The following SORCS1 variants were observed in gnomAD, a reference collection of about 807,000 sequenced individuals.
SORCS1 encodes the protein VPS10 domain-containing receptor SorCS1.
In SORCS1, 60 loss-of-function variants were observed where a neutral mutation model predicts 146.1. The observed-to-expected ratio is 0.41, with a 90% confidence interval of 0.33 to 0.51. SORCS1 has a LOEUF of 0.51. Ranked by LOEUF, SORCS1 falls within the 20% of genes least tolerant of loss-of-function variation. The pLI, the probability that SORCS1 is intolerant of heterozygous loss-of-function variation, is 0.21. For synonymous variants in SORCS1, 637 were observed against 584.0 expected (o/e 1.09, Z -1.31); for missense variants, 1,352 against 1,487.6 (o/e 0.91, Z 1.50).
At chr10:106,891,112 G>T (rs924734285) in intron 2 of SORCS1, among the ~76,000 whole-genome samples, 15 of 152,056 alleles carry the variant, frequency 9.9e-5, no homozygotes, top group Non-Finnish European at 1.9e-4. Context: ...AAGCAACATG[G>T]TTCCCGTATT....
At chr10:107,134,326 A>G (rs7092836) in intron 1 of SORCS1, among the ~76,000 whole-genome samples, 9,976 of 152,226 alleles carry the variant, frequency 0.066, 702 homozygotes, top group East Asian at 0.35. Flanking sequence ...ACCTCTAACT[A>G]AAGTGAATAA....
At chr10:106,694,443 C>T (rs970917178) in intron 9 of SORCS1, among the ~76,000 whole-genome samples, 1 of 152,056 alleles carries the variant, frequency 6.6e-6, no homozygotes, top group Non-Finnish European at 1.5e-5. Context: ...GAGATGGTTT[C>T]GCCATGTTGG....
At chr10:106,729,631 G>C (rs546326649) in intron 6 of SORCS1, among the ~76,000 whole-genome samples, 29 of 152,204 alleles carry the variant, frequency 1.9e-4, no homozygotes, top group African/African-American at 7.0e-4. Context: ...TACCTGGAAA[G>C]ACACTTTGAT....
chr10:106,754,181 A>G (rs951965183), intron 5 of SORCS1, among the ~76,000 whole-genome samples: 2 of 152,226 alleles, frequency 1.3e-5, no homozygotes, highest in African/African-American at 4.8e-5. Context: ...TTACCTAATC[A>G]GAGCCCATAA....
chr10:106,850,498 T>C (rs377361301), intron 2 of SORCS1, among the ~76,000 whole-genome samples: 5,747 of 152,068 alleles, frequency 0.038, 293 homozygotes, highest in East Asian at 0.24. Context: ...CACTCCCTAG[T>C]GAGATGAACC....
intron 6 of SORCS1, among the ~76,000 whole-genome samples, chr10:106,724,557 A>G (rs1856016225): frequency 6.6e-6 from 1 of 151,972 alleles, no homozygotes; most frequent in Non-Finnish European, 1.5e-5. Flanking sequence ...AAATAAAGAT[A>G]TAATTCTTTT....
At chr10:106,630,664 T>C (rs1280527861) in intron 18 of SORCS1, among the ~76,000 whole-genome samples, 1 of 152,210 alleles carries the variant, frequency 6.6e-6, no homozygotes, top group Non-Finnish European at 1.5e-5. Context: ...GTAAAAACTA[T>C]GCAGTAAATT....
chr10:106,995,238 T>C (rs1337984011), intron 1 of SORCS1, among the ~76,000 whole-genome samples: 2 of 148,500 alleles, frequency 1.3e-5, no homozygotes, highest in Non-Finnish European at 3.0e-5. Flanking sequence ...GGCGTGAACC[T>C]GGGAGGCAGA....
chr10:106,854,387 G>C (rs962981442), intron 2 of SORCS1, among the ~76,000 whole-genome samples: 2 of 151,864 alleles, frequency 1.3e-5, no homozygotes, highest in South Asian at 2.1e-4. Context: ...GTTAGGGCTT[G>C]TTTTTCTCAT....
chr10:107,129,296 T>C (rs1241227711), intron 1 of SORCS1, among the ~76,000 whole-genome samples: 3 of 152,204 alleles, frequency 2.0e-5, no homozygotes, highest in South Asian at 4.1e-4. Flanking sequence ...TGTTCAAAAA[T>C]AAATTTAACT....
At chr10:106,985,640 G>T (rs1030535551) in intron 1 of SORCS1, among the ~76,000 whole-genome samples, 1 of 151,100 alleles carries the variant, frequency 6.6e-6, no homozygotes, top group Non-Finnish European at 1.5e-5. Flanking sequence ...GGGTTCAAGC[G>T]ATTCTCCTGC....
At chr10:106,920,906 G>T (rs1952679314) in intron 2 of SORCS1, among the ~76,000 whole-genome samples, 2 of 152,180 alleles carry the variant, frequency 1.3e-5, no homozygotes, top group African/African-American at 4.8e-5. Flanking sequence ...TTCACCATGA[G>T]GCCTGCTTGT....
At chr10:107,045,784 T>C (rs977260692) in intron 1 of SORCS1, among the ~76,000 whole-genome samples, 20 of 147,350 alleles carry the variant, frequency 1.4e-4, no homozygotes, top group Admixed American at 7.4e-4. Context: ...ATATCTTCTT[T>C]TTTTTTTTTT....
intron 10 of SORCS1, among the ~76,000 whole-genome samples, chr10:106,684,001 C>G (rs1194658910): frequency 1.3e-5 from 2 of 152,124 alleles, no homozygotes; most frequent in African/African-American, 4.8e-5. Flanking sequence ...AGGTGAAAAA[C>G]AGATTCTCCT....
intron 3 of SORCS1, among the ~76,000 whole-genome samples, chr10:106,782,004 T>A (rs1461139272): frequency 6.6e-6 from 1 of 152,204 alleles, no homozygotes; most frequent in Non-Finnish European, 1.5e-5. Context: ...ACAACCAATT[T>A]TCCTAAATCC....
At chr10:107,120,767 A>G (rs908368283) in intron 1 of SORCS1, among the ~76,000 whole-genome samples, 24 of 152,200 alleles carry the variant, frequency 1.6e-4, no homozygotes, top group African/African-American at 5.1e-4. Context: ...AAAATGCGGA[A>G]AGCAGGCTAT....
At chr10:106,914,064 A>G (rs1952294729) in intron 2 of SORCS1, among the ~76,000 whole-genome samples, 1 of 152,196 alleles carries the variant, frequency 6.6e-6, no homozygotes, top group African/African-American at 2.4e-5. Flanking sequence ...ACTTCAAAAC[A>G]CTATCATCAA....
At chr10:106,641,621 C>G (rs1248532206) in intron 18 of SORCS1, among the ~76,000 whole-genome samples, 11 of 152,140 alleles carry the variant, frequency 7.2e-5, no homozygotes. Flanking sequence ...TTGGGGAAGG[C>G]TATCCAAATC....
chr10:107,044,479 T>C (rs1465061764), intron 1 of SORCS1, among the ~76,000 whole-genome samples: 1 of 124,628 alleles, frequency 8.0e-6, no homozygotes, highest in African/African-American at 3.1e-5. Context: ...AAGAAATAGG[T>C]CCTGCATTTA....
Sources: gnomAD v4.1 joint callset for allele counts (sites outside exome capture counted in the v4.1 genomes callset) on GRCh38, gnomAD v4.1.1 for gene constraint, MANE v1.5 for transcripts, NCBI Gene and HGNC (gene_info 2026-07-23, HGNC 2026-07-21) for gene names.